Variants in LIN9 observed in about 807,000 individuals in gnomAD.
The protein encoded by LIN9 is protein lin-9 homolog.
A neutral mutation model predicts 78.0 loss-of-function variants in LIN9; 18 were observed. The observed-to-expected ratio is 0.23, with a 90% CI of 0.16 to 0.34. LIN9 has a LOEUF of 0.34. Ranked by LOEUF, LIN9 falls within the 10% of genes least tolerant of loss-of-function variation. LIN9 has a pLI of 1.00. For missense variants in LIN9, 451 were observed against 644.1 expected, an observed-to-expected ratio of 0.70 and a Z score of 3.25; for synonymous variants, 192 against 215.2, an observed-to-expected ratio of 0.89 and a Z score of 0.94.
chr1:226,273,991 C>G (rs1287803024), intron 7 of LIN9, among the ~76,000 whole-genome samples: 1 of 152,144 alleles, frequency 6.6e-6, no homozygotes, highest in Non-Finnish European at 1.5e-5. Flanking sequence ...GCGTACATCA[C>G]TATTCCCAGC....
intron 7 of LIN9, among the ~76,000 whole-genome samples, chr1:226,273,606 G>A (rs908557621): frequency 6.6e-6 from 1 of 151,924 alleles, no homozygotes; most frequent in Non-Finnish European, 1.5e-5. Context: ...CTTTGCATTT[G>A]TTTTCTTCTT....
intron 7 of LIN9, among the ~76,000 whole-genome samples, chr1:226,271,246 T>A (rs1006091866): frequency 3.3e-5 from 5 of 152,218 alleles, no homozygotes; most frequent in African/African-American, 1.2e-4. Context: ...ACTCTTGTGC[T>A]TCTAACTCTG....
chr1:226,277,993 T>A, intron 6 of LIN9, 61 bp from the exon 7 acceptor site: 7 of 1,188,376 alleles, frequency 5.9e-6, no homozygotes, highest in South Asian at 1.5e-5. Context: ...ACTTAAAATC[T>A]TTTTTTTTTC....
chr1:226,291,036 T>C (rs1456546844), intron 4 of LIN9, among the ~76,000 whole-genome samples: 1 of 152,192 alleles, frequency 6.6e-6, no homozygotes, highest in Middle Eastern at 3.2e-3. Flanking sequence ...CTATTACAGG[T>C]GTGAGCCACT....
chr1:226,304,335 T>C (rs1044310702), intron 1 of LIN9, among the ~76,000 whole-genome samples: 18 of 152,204 alleles, frequency 1.2e-4, no homozygotes, highest in African/African-American at 4.1e-4. Context: ...TCAAACTTTG[T>C]GAAAAGTCAG....
Position 226,295,850 on chromosome 1 carries a change from C to A in LIN9, c.256G>T (p.Val86Phe). The part of the protein sequence containing the change: ...SPKRNQRVAM[V>F]PQKFTATMST... Reference sequence around the variant, plus strand: ...TTTTAGCACACACATACCTGTGGAACCATTGCAACCCTCTGGTTTCTTTTA... The same window carrying A: ...TTTTAGCACACACATACCTGTGGAAACATTGCAACCCTCTGGTTTCTTTTA... The change falls in exon 4 of 15, where the codon GTT becomes TTT. Residue 86 changes from valine to phenylalanine, a missense_variant. Transcript: ENST00000681046. 1 of 1,608,384 alleles carries A rather than the reference C, an allele frequency of 6.2e-7. No individual in the cohort carries two copies. Among genetic ancestry groups the A allele is most frequent in the South Asian group, 1.1e-5 (1 of 89,932 alleles).
At position 226,309,050 on chromosome 1, in the gene LIN9, G is replaced by C. The variant is rs371262414; in HGVS notation, c.31+59C>G. The C allele has an allele frequency of 2.0e-3, 2,600 of 1,299,580 alleles. 90 individuals are homozygous for C. In the South Asian group the frequency reaches 0.067, roughly 34 times the overall value. 80.5% of individuals were successfully genotyped at this position (1,299,580 alleles called of 1,614,324 possible). A position where few individuals can be genotyped will look rare whatever the true frequency, so the allele number is the denominator to read the frequency against. On this transcript the variant is annotated intron_variant, in intron 1 of 14. Transcript: ENST00000681046. ...GGCACGGCCGTCCGTCCCGGCCGGT[G>C]CAACCGCTGGGCAAGCAGCAGGCGG...
chr1:226,234,260 T>C (rs1657540606), intron 12 of LIN9, among the ~76,000 whole-genome samples: 2 of 152,222 alleles, frequency 1.3e-5, no homozygotes, highest in African/African-American at 4.8e-5. Flanking sequence ...TTAGCATCTG[T>C]TGATGATTCT....
chr1:226,305,228 G>C (rs1662827040), intron 1 of LIN9, among the ~76,000 whole-genome samples: 1 of 150,106 alleles, frequency 6.7e-6, no homozygotes, highest in East Asian at 2.0e-4. Flanking sequence ...TCAGCACTTT[G>C]GAAGGCTAAG....
intron 8 of LIN9, among the ~76,000 whole-genome samples, chr1:226,266,821 C>G (rs1442024541): frequency 6.6e-6 from 1 of 150,882 alleles, no homozygotes; most frequent in Non-Finnish European, 1.5e-5. Context: ...CTCTTGTTGA[C>G]CAAACTGGAG....
intron 11 of LIN9, among the ~76,000 whole-genome samples, chr1:226,245,998 A>G (rs1451740082): frequency 6.6e-6 from 1 of 152,226 alleles, no homozygotes; most frequent in Non-Finnish European, 1.5e-5. Context: ...ATCTAGGCCT[A>G]TATGTATATA....
intron 1 of LIN9, among the ~76,000 whole-genome samples, chr1:226,301,834 A>G (rs1454747725): frequency 6.6e-6 from 1 of 152,154 alleles, no homozygotes; most frequent in African/African-American, 2.4e-5. Context: ...TTGGAAGGCC[A>G]AGGTGGGAAG....
At chr1:226,275,462 G>A (rs1305987033) in intron 7 of LIN9, among the ~76,000 whole-genome samples, 3 of 152,020 alleles carry the variant, frequency 2.0e-5, no homozygotes, top group Admixed American at 2.0e-4. Context: ...TTGGGAGGCC[G>A]AGGCGGGTGG....
At chr1:226,295,735 T>C in intron 4 of LIN9, 107 bp downstream of exon 4, 1 of 664,358 alleles carries the variant, frequency 1.5e-6, no homozygotes, top group African/African-American at 1.9e-5. Flanking sequence ...CGTACGAATT[T>C]AAAGAAAAGA....
At chr1:226,309,226 G>A (rs761647936), upstream of LIN9, 1 of 1,427,442 alleles carries the variant, frequency 7.0e-7, no homozygotes, top group Non-Finnish European at 9.3e-7. Context: ...AGGTTCGAAT[G>A]CGGAGCTCGC....
At position 226,250,807 on chromosome 1, in the gene LIN9, G is replaced by A. The variant is rs772442757; in HGVS notation, c.1119+32C>T. On this transcript the variant is annotated intron_variant, in intron 11 of 14. Coordinates refer to ENST00000681046, the MANE Select transcript of LIN9 (RefSeq NM_001366245.2). ...GTCTCACTATTTTAAAATTAGACAA[G>A]CAAATGAAGAAAAAAAAAGAGAAAT... 6 of 1,124,952 alleles carry A rather than the reference G, an allele frequency of 5.3e-6. No individual in the cohort carries two copies. In the South Asian group the frequency reaches 8.1e-5, roughly 15 times the overall value. The allele number at this position is 1,124,952 out of a possible 1,614,324, so 69.7% of individuals were successfully genotyped here.
At chr1:226,306,917 A>T (rs1662957078) in intron 1 of LIN9, among the ~76,000 whole-genome samples, 1 of 152,248 alleles carries the variant, frequency 6.6e-6, no homozygotes, top group Non-Finnish European at 1.5e-5. Context: ...GAAAGAAAGA[A>T]AATCCCTGGT....
chr1:226,305,533 G>C (rs1662857088), intron 1 of LIN9, among the ~76,000 whole-genome samples: 1 of 151,350 alleles, frequency 6.6e-6, no homozygotes, highest in Admixed American at 6.6e-5. Context: ...ACATAATTTA[G>C]TCAGGGAGGA....
At position 226,309,128 on chromosome 1, in the gene LIN9, G is replaced by A. The variant is rs1056923154; in HGVS notation, c.12C>T (p.Leu4=). 1.5e-6 allele frequency: 2 copies of A among 1,344,814 alleles called. No individual in the cohort carries two copies. The highest frequency in any genetic ancestry group is 9.7e-7 in the Non-Finnish European group (1 of 1,035,528). 83.3% of individuals were successfully genotyped at this position (1,344,814 alleles called of 1,614,324 possible). A position where few individuals can be genotyped will look rare whatever the true frequency, so the allele number is the denominator to read the frequency against. MAE[L]DQLPDESSSA... is the part of the protein sequence containing the mutation. ...ACTCACTCTCGTCAGGCAACTGGTC[G>A]AGCTCCGCCATCTTGAACGAGCCGC... Residue 4 remains leucine, a synonymous_variant, in exon 1 of 15, where the codon CTC becomes CTT. Coordinates refer to ENST00000681046, the MANE Select transcript of LIN9 (RefSeq NM_001366245.2).
Sources: gnomAD v4.1 joint callset for allele counts (sites outside exome capture counted in the v4.1 genomes callset) on GRCh38, gnomAD v4.1.1 for gene constraint, MANE v1.5 for transcripts, NCBI Gene and HGNC (gene_info 2026-07-23, HGNC 2026-07-21) for gene names.